Variants in TRIM37 observed in about 807,000 individuals in gnomAD.
TRIM37 encodes tripartite motif containing 37, also known as E3 ubiquitin-protein ligase TRIM37.
Under a neutral mutation model 129.8 loss-of-function variants are expected in TRIM37, and 80 were observed. The ratio of observed to expected loss-of-function variants is 0.62; its 90% CI spans 0.51 to 0.74. The LOEUF (loss-of-function observed/expected upper bound fraction) is 0.74. Ranked by LOEUF, TRIM37 falls within the 30% of genes least tolerant of loss-of-function variation. The probability of loss-of-function intolerance (pLI) is 0.00; values close to 1 mark genes in which losing one functional copy is unlikely to be tolerated. For synonymous variants in TRIM37, 389 were observed against 387.1 expected (o/e 1.00, Z -0.06); for missense variants, 1,054 against 1,176.5 (o/e 0.90, Z 1.52).
chr17:59,099,833 C>T (rs1338617268), intron 2 of TRIM37, among the ~76,000 whole-genome samples: 5 of 152,090 alleles, frequency 3.3e-5, no homozygotes, highest in Non-Finnish European at 7.4e-5. Flanking sequence ...GACAGAGTTT[C>T]GCTCTTGTTG....
chr17:59,027,900 G>A (rs1442626126), intron 19 of TRIM37, among the ~76,000 whole-genome samples: 1 of 152,034 alleles, frequency 6.6e-6, no homozygotes, highest in Non-Finnish European at 1.5e-5. Context: ...TAAATCCTGT[G>A]TCAGTGACTT....
chr17:59,018,330 T>C (rs9908869), intron 19 of TRIM37, among the ~76,000 whole-genome samples: 113 of 152,006 alleles, frequency 7.4e-4, no homozygotes, highest in African/African-American at 2.7e-3. Context: ...TAAAAATACA[T>C]TTTAAAAAAA....
At chr17:59,036,806 T>C (rs1057031746) in intron 17 of TRIM37, among the ~76,000 whole-genome samples, 13 of 152,026 alleles carry the variant, frequency 8.6e-5, no homozygotes, top group African/African-American at 2.9e-4. Flanking sequence ...CTTTAGACAA[T>C]TGTGTAGTTC....
chr17:59,089,565 A>T (rs2044099310), intron 3 of TRIM37, among the ~76,000 whole-genome samples: 2 of 152,110 alleles, frequency 1.3e-5, no homozygotes, highest in Non-Finnish European at 2.9e-5. Context: ...CACTTGAACC[A>T]GGGAGTCAGA....
intron 24 of TRIM37, among the ~76,000 whole-genome samples, chr17:58,991,846 T>C (rs1031709821): frequency 1.3e-5 from 2 of 152,122 alleles, no homozygotes; most frequent in African/African-American, 4.8e-5. Flanking sequence ...CTGTGGAGGT[T>C]GGGCAGCGTC....
At chr17:59,006,252 T>C (rs1287518263) in intron 22 of TRIM37, among the ~76,000 whole-genome samples, 6 of 152,188 alleles carry the variant, frequency 3.9e-5, no homozygotes, top group African/African-American at 1.4e-4. Context: ...ACGTCAATGA[T>C]AGCAATTACA....
At chr17:59,087,845 C>T (rs1253943092) in intron 4 of TRIM37, 1 of 186,638 alleles carries the variant, frequency 5.4e-6, no homozygotes, top group Non-Finnish European at 1.1e-5. Context: ...ATCACTGCCA[C>T]ATCACTCTTT....
chr17:59,099,343 A>G (rs1464275849), intron 2 of TRIM37, among the ~76,000 whole-genome samples: 1 of 151,898 alleles, frequency 6.6e-6, no homozygotes, highest in African/African-American at 2.4e-5. Flanking sequence ...TATCTTTTAT[A>G]CTGTATTTTT....
intron 17 of TRIM37, among the ~76,000 whole-genome samples, chr17:59,032,324 G>A (rs1599017689): frequency 1.3e-5 from 2 of 151,628 alleles, no homozygotes; most frequent in African/African-American, 4.8e-5. Context: ...AGGAGATCGA[G>A]ACCATCCTGG....
intron 22 of TRIM37, among the ~76,000 whole-genome samples, chr17:59,006,138 T>A (rs1156678943): frequency 1.3e-5 from 2 of 152,216 alleles, no homozygotes; most frequent in Non-Finnish European, 2.9e-5. Flanking sequence ...TCCCAAGAAA[T>A]GCTAGGAAGA....
intron 24 of TRIM37, among the ~76,000 whole-genome samples, chr17:58,989,346 G>T (rs1212567199): frequency 6.6e-6 from 1 of 152,158 alleles, no homozygotes; most frequent in Admixed American, 6.5e-5. Flanking sequence ...TGAGGCAGGA[G>T]AATCGCTTGA....
chr17:59,082,143 C>T (rs779231731), intron 5 of TRIM37, among the ~76,000 whole-genome samples: 1 of 151,540 alleles, frequency 6.6e-6, no homozygotes, highest in Non-Finnish European at 1.5e-5. Context: ...TGGTGGCATG[C>T]GCCTGTAATC....
chr17:59,041,957 C>T, intron 16 of TRIM37, 59 bp from the exon 17 acceptor site: 1 of 1,209,750 alleles, frequency 8.3e-7, no homozygotes, highest in Non-Finnish European at 1.2e-6. Flanking sequence ...TTGTTTTTCA[C>T]ACCTCAATAA....
chr17:59,012,966 T>C (rs929896580), intron 21 of TRIM37, among the ~76,000 whole-genome samples: 2 of 152,130 alleles, frequency 1.3e-5, no homozygotes, highest in Admixed American at 6.6e-5. Context: ...CTGGTTGTGA[T>C]ATTGTACTAC....
chr17:58,983,631 T>G (rs1320620986), intron 24 of TRIM37: 1 of 152,616 alleles, frequency 6.6e-6, no homozygotes, highest in Non-Finnish European at 1.5e-5. Flanking sequence ...TATAAAAGTA[T>G]CTATATAATA....
chr17:58,988,418 T>G (rs755897944), intron 24 of TRIM37, among the ~76,000 whole-genome samples: 2 of 152,064 alleles, frequency 1.3e-5, no homozygotes, highest in Non-Finnish European at 2.9e-5. Flanking sequence ...GGAGCACAAA[T>G]ACTGTTGCCG....
intron 1 of TRIM37, among the ~76,000 whole-genome samples, chr17:59,104,878 G>A (rs1429111764): frequency 6.6e-6 from 1 of 152,036 alleles, no homozygotes; most frequent in Admixed American, 6.6e-5. Context: ...GATCACTCGA[G>A]GTCGGGAGTT....
intron 16 of TRIM37, among the ~76,000 whole-genome samples, chr17:59,047,367 C>T (rs1471019428): frequency 6.6e-6 from 1 of 151,900 alleles, no homozygotes; most frequent in Non-Finnish European, 1.5e-5. Flanking sequence ...GAAGTATATT[C>T]GATCTCAAGT....
At chr17:59,016,749 T>C (rs957991586) in intron 20 of TRIM37, among the ~76,000 whole-genome samples, 14 of 150,502 alleles carry the variant, frequency 9.3e-5, no homozygotes, top group Non-Finnish European at 1.8e-4. Context: ...CACCACTGCA[T>C]CCCTAGCCTG....
Sources: gnomAD v4.1 joint callset for allele counts (sites outside exome capture counted in the v4.1 genomes callset) on GRCh38, gnomAD v4.1.1 for gene constraint, MANE v1.5 for transcripts, NCBI Gene and HGNC (gene_info 2026-07-23, HGNC 2026-07-21) for gene names.